The following ACTR3C variants were observed in gnomAD, a reference collection of about 807,000 sequenced individuals.
ACTR3C encodes the protein actin related protein 3C.
A neutral mutation model predicts 26.3 loss-of-function variants in ACTR3C; 18 were observed. That is an observed-to-expected ratio of 0.68 (90% CI 0.47 to 1.01). The LOEUF is 1.01. ACTR3C is among the 50% of genes least tolerant of loss of function. The probability of loss-of-function intolerance (pLI) is 0.00; values close to 1 mark genes in which losing one functional copy is unlikely to be tolerated. For synonymous variants in ACTR3C, 55 were observed against 94.5 expected, an observed-to-expected ratio of 0.58 and a Z score of 2.42; for missense variants, 184 against 250.7, an observed-to-expected ratio of 0.73 and a Z score of 1.80.
At chr7:149,927,430 TAAAA>T in the ACTR3C span, among the ~76,000 whole-genome samples, 1 of 133,168 alleles carries the variant, frequency 7.5e-6, no homozygotes, top group Non-Finnish European at 1.6e-5. Context: ...AATGACTATT[TAAAA>T]AAAAAAAAAA....
the ACTR3C span, among the ~76,000 whole-genome samples, chr7:150,139,656 G>C: frequency 6.6e-6 from 1 of 152,262 alleles, no homozygotes; most frequent in Non-Finnish European, 1.5e-5. Flanking sequence ...AGGTGTTAGG[G>C]ATAATCACAT....
chr7:150,127,350 C>T, the ACTR3C span, among the ~76,000 whole-genome samples: 1 of 152,124 alleles, frequency 6.6e-6, no homozygotes, highest in African/African-American at 2.4e-5. Context: ...CCCAGGAATT[C>T]CTCCCCAGTC....
At chr7:149,939,355 T>C in the ACTR3C span, among the ~76,000 whole-genome samples, 1 of 152,188 alleles carries the variant, frequency 6.6e-6, no homozygotes, top group African/African-American at 2.4e-5. Flanking sequence ...CAAAAATCAT[T>C]GAACATATTA....
At chr7:150,111,481 C>G in the ACTR3C span, among the ~76,000 whole-genome samples, 1 of 90,876 alleles carries the variant, frequency 1.1e-5, no homozygotes, top group Admixed American at 1.1e-4. Flanking sequence ...CACACTTGCA[C>G]ACTCACTCAC....
At position 150,323,484 on chromosome 7, in the gene ACTR3C, C is replaced by T. The variant is rs1367928986; in HGVS notation, c.-67G>A. On this transcript the variant is annotated 5_prime_UTR_variant, in exon 1 of 8. Transcript: ENST00000683684. ...CGGCTCTTACCTGCCGAGGAGGCGC[C>T]GGCTCTGCGGTGCGGAGTTGCGCCG... 9.7e-6 allele frequency: 4 copies of T among 412,500 alleles called. No individual in the cohort carries two copies. Among genetic ancestry groups the T allele is most frequent in the South Asian group, 1.7e-5 (1 of 60,066 alleles). 25.6% of individuals were successfully genotyped at this position (412,500 alleles called of 1,614,324 possible). A position where few individuals can be genotyped will look rare whatever the true frequency, so the allele number is the denominator to read the frequency against.
chr7:150,176,790 G>C, the ACTR3C span, among the ~76,000 whole-genome samples: 1 of 150,756 alleles, frequency 6.6e-6, no homozygotes, highest in Non-Finnish European at 1.5e-5. Context: ...CAGGAAACTC[G>C]GGGATCTTAT....
chr7:149,916,790 G>A, the ACTR3C span, among the ~76,000 whole-genome samples: 9 of 150,078 alleles, frequency 6.0e-5, no homozygotes, highest in Non-Finnish European at 1.3e-4. Flanking sequence ...CCTTCCATGA[G>A]TCCCTTAACT....
At chr7:150,262,812 T>C (rs1356466726) in intron 6 of ACTR3C, among the ~76,000 whole-genome samples, 1 of 152,308 alleles carries the variant, frequency 6.6e-6, no homozygotes, top group East Asian at 1.9e-4. Flanking sequence ...CACTGAAAAT[T>C]ACTATGTACC....
At chr7:150,318,687 G>A (rs1055748026) in intron 1 of ACTR3C, among the ~76,000 whole-genome samples, 3 of 152,148 alleles carry the variant, frequency 2.0e-5, no homozygotes, top group Non-Finnish European at 4.4e-5. Flanking sequence ...GCTTGAACCC[G>A]AAGAGCCGAG....
At chr7:150,300,815 CT>C (rs1419389112) in intron 1 of ACTR3C, among the ~76,000 whole-genome samples, 1 of 151,438 alleles carries the variant, frequency 6.6e-6, no homozygotes, top group Non-Finnish European at 1.5e-5. Flanking sequence ...TTCAATGCGC[CT>C]ACTCGGGCTG....
the ACTR3C span, among the ~76,000 whole-genome samples, chr7:150,101,007 GT>G: frequency 3.6e-4 from 54 of 151,538 alleles, 1 homozygote; most frequent in African/African-American, 1.3e-3. Context: ...CCACTGCCAA[GT>G]TTTTTTTAAT....
At chr7:150,221,998 C>CAAAAAAAAAAAAAAAAAAAAA in the ACTR3C span, among the ~76,000 whole-genome samples, 12 of 79,790 alleles carry the variant, frequency 1.5e-4, no homozygotes, top group African/African-American at 7.6e-4. Flanking sequence ...ACTCCGTCTC[C>CAAAAAAAAAAAAAAAAAAAAA]AAAAAAAAAA....
the ACTR3C span, among the ~76,000 whole-genome samples, chr7:150,179,185 C>T: frequency 7.0e-6 from 1 of 143,586 alleles, no homozygotes; most frequent in African/African-American, 3.0e-5. Context: ...AAATATTCTC[C>T]ATGTCTTGAA....
At chr7:149,928,381 C>CTTTT in the ACTR3C span, among the ~76,000 whole-genome samples, 9 of 106,830 alleles carry the variant, frequency 8.4e-5, no homozygotes, top group African/African-American at 1.0e-4. Flanking sequence ...TTTTGTATTT[C>CTTTT]TTTTTTTTTT....
At chr7:150,138,855 G>A in the ACTR3C span, among the ~76,000 whole-genome samples, 23 of 152,398 alleles carry the variant, frequency 1.5e-4, no homozygotes, top group Middle Eastern at 3.4e-3. Flanking sequence ...TGCAGCATCA[G>A]ATCCTCATAG....
the ACTR3C span, among the ~76,000 whole-genome samples, chr7:149,966,231 C>T: frequency 2.0e-5 from 3 of 152,144 alleles, no homozygotes; most frequent in African/African-American, 7.2e-5. Context: ...CTGTGGACCG[C>T]ACTGGAGAAA....
chr7:150,144,911 G>A, the ACTR3C span, among the ~76,000 whole-genome samples: 10 of 151,960 alleles, frequency 6.6e-5, no homozygotes, highest in Non-Finnish European at 1.3e-4. The surrounding 1 kb of genome is among the most constrained non-coding windows in gnomAD (Gnocchi z 4.6). Context: ...TTAGCTGGGC[G>A]TGGTGGCGTG....
At chr7:150,030,933 G>A in the ACTR3C span, among the ~76,000 whole-genome samples, 2 of 152,116 alleles carry the variant, frequency 1.3e-5, no homozygotes, top group African/African-American at 2.4e-5. Context: ...GTAGGGACAA[G>A]TCCATTTAAT....
At chr7:150,119,548 T>G in the ACTR3C span, among the ~76,000 whole-genome samples, 1 of 152,160 alleles carries the variant, frequency 6.6e-6, no homozygotes, top group African/African-American at 2.4e-5. Context: ...CCTAAATATA[T>G]ATGCACCCAA....
Sources: allele counts gnomAD v4.1 joint callset (sites outside exome capture counted in the v4.1 genomes callset), GRCh38; gene constraint gnomAD v4.1.1; non-coding constraint Gnocchi (gnomAD v3.1); transcripts MANE v1.5; gene names NCBI Gene and HGNC (gene_info 2026-07-23, HGNC 2026-07-21).